LINC00632: variants seen among roughly 807,000 people sequenced by gnomAD.
LINC00632 encodes long independently transcribed non-coding RNA 632.
At chrX:140,717,902 C>CG (rs1458943773) in intron 2 of LINC00632, among the ~76,000 whole-genome samples, 6 of 110,946 alleles carry the variant, frequency 5.4e-5, no homozygotes, top group Non-Finnish European at 9.4e-5. Flanking sequence ...TTTGGGAGGC[C>CG]GAGACGGGTG....
intron 3 of LINC00632, among the ~76,000 whole-genome samples, chrX:140,743,405 G>A (rs748995421): frequency 9.1e-6 from 1 of 110,085 alleles, no homozygotes; most frequent in East Asian, 2.9e-4. Context: ...AAGGATGATA[G>A]CCGCAAGCTT....
exon 5 of LINC00632, among the ~76,000 whole-genome samples, chrX:140,779,428 G>A (rs897711614): frequency 1.8e-5 from 2 of 111,952 alleles, no homozygotes; most frequent in Admixed American, 9.5e-5. Flanking sequence ...TCTACCACCC[G>A]AATGCTAATA....
At chrX:140,741,021 T>C (rs1348820970) in intron 3 of LINC00632, among the ~76,000 whole-genome samples, 2 of 111,874 alleles carry the variant, frequency 1.8e-5, no homozygotes, top group Non-Finnish European at 3.8e-5. Flanking sequence ...GTACCTTATA[T>C]TGACTCCTTA....
In LINC00632 at chrX:140,741,431, C is replaced by T. The variant is rs7058855; in HGVS notation, n.191+7467C>T. 6.7e-3 allele frequency among the ~76,000 whole-genome samples: 751 copies of T among 111,671 alleles called. 5 individuals carry two copies. Among genetic ancestry groups the T allele is most frequent in the Middle Eastern group, 0.018 (4 of 218 alleles). On this transcript the variant is annotated intron_variant and non_coding_transcript_variant, in intron 3 of 4. Transcript: ENST00000648200. ...TTGTCAAAAGGGCTGGGTTGAGGCA[C>T]CTGGATGCAAATTGCAGAAATGCAC...
At chrX:140,754,097 A>G (rs991125195) in intron 3 of LINC00632, among the ~76,000 whole-genome samples, 1 of 111,575 alleles carries the variant, frequency 9.0e-6, no homozygotes, top group African/African-American at 3.3e-5. Flanking sequence ...CTATTGGACA[A>G]TCCTGGTCTA....
chrX:140,723,663 A>G (rs1409514935), intron 2 of LINC00632, among the ~76,000 whole-genome samples: 1 of 10,297 alleles, frequency 9.7e-5, no homozygotes, highest in Non-Finnish European at 2.2e-4. Flanking sequence ...CACACATTCC[A>G]TATACACACA....
At chrX:140,742,424 A>G (rs1931237977) in intron 3 of LINC00632, among the ~76,000 whole-genome samples, 1 of 111,504 alleles carries the variant, frequency 9.0e-6, no homozygotes, top group African/African-American at 3.3e-5. Context: ...GAGGATTATT[A>G]ATTCACGGTT....
At chrX:140,752,582 T>G (rs139098339) in intron 3 of LINC00632, among the ~76,000 whole-genome samples, 1,539 of 112,017 alleles carry the variant, frequency 0.014, 24 homozygotes, top group African/African-American at 0.047. Context: ...TATCAGGTAA[T>G]GTAAAGCTGG....
At chrX:140,751,398 G>A (rs1931409807) in intron 3 of LINC00632, among the ~76,000 whole-genome samples, 1 of 107,238 alleles carries the variant, frequency 9.3e-6, no homozygotes, top group African/African-American at 3.4e-5. Flanking sequence ...TTTTTCATAT[G>A]TTTGTTGGCT....
chrX:140,728,893 A>G (rs766398147), intron 2 of LINC00632, among the ~76,000 whole-genome samples: 48 of 111,197 alleles, frequency 4.3e-4, no homozygotes, highest in Non-Finnish European at 8.7e-4. Flanking sequence ...ACACCACCCC[A>G]CAACGCCAAT....
chrX:140,717,444 A>G (rs1420414203), intron 2 of LINC00632, among the ~76,000 whole-genome samples: 2 of 110,889 alleles, frequency 1.8e-5, no homozygotes, highest in African/African-American at 6.6e-5. Context: ...CCTAACATGC[A>G]GAGATCACCC....
intron 2 of LINC00632, among the ~76,000 whole-genome samples, chrX:140,720,264 A>G (rs751075617): frequency 9.0e-6 from 1 of 111,036 alleles, no homozygotes; most frequent in Non-Finnish European, 1.9e-5. Context: ...TTCAAAACTT[A>G]GTTTAAAATC....
Position 140,767,824 on chromosome X carries a change from T to C in LINC00632, n.192-4254T>C, listed in dbSNP as rs147427666. Among the ~76,000 whole-genome samples the C allele has an allele frequency of 4.1e-3, 458 of 111,828 alleles. 2 individuals are homozygous for C. Among genetic ancestry groups the C allele is most frequent in the South Asian group, 0.021 (55 of 2,653 alleles). On this transcript the variant is annotated intron_variant and non_coding_transcript_variant, in intron 3 of 4. Coordinates refer to ENST00000648200, the Ensembl canonical transcript of LINC00632. ...ACAATTGGCAAGGGCTTTCTTGCTG[T>C]GTCATCCCATGGCAAAGGAGAGAGA...
intron 3 of LINC00632, among the ~76,000 whole-genome samples, chrX:140,757,429 A>C (rs1055239065): frequency 9.0e-6 from 1 of 111,370 alleles, no homozygotes; most frequent in Non-Finnish European, 1.9e-5. Flanking sequence ...TGTGGTGAGG[A>C]GGGAGAAGAT....
intron 3 of LINC00632, among the ~76,000 whole-genome samples, chrX:140,764,317 C>T (rs1187984367): frequency 1.1e-5 from 1 of 87,456 alleles, no homozygotes; most frequent in Non-Finnish European, 2.1e-5. Context: ...CCGCTCTGGA[C>T]TTGAGTTGGT....
intron 2 of LINC00632, among the ~76,000 whole-genome samples, chrX:140,720,131 C>A (rs971731863): frequency 3.6e-5 from 4 of 110,339 alleles, no homozygotes; most frequent in Non-Finnish European, 5.7e-5. Context: ...TCTGCCAACC[C>A]ATGGACATGC....
intron 2 of LINC00632, among the ~76,000 whole-genome samples, chrX:140,724,033 TACAC>T (rs750302802): frequency 3.5e-4 from 13 of 36,838 alleles, no homozygotes; most frequent in African/African-American, 7.7e-4. Context: ...ACACATTCCA[TACAC>T]ACACACATTC....
intron 3 of LINC00632, among the ~76,000 whole-genome samples, chrX:140,762,463 C>T (rs1420170684): frequency 1.8e-5 from 2 of 112,274 alleles, no homozygotes; most frequent in Non-Finnish European, 3.8e-5. Context: ...TTTCTTTTGA[C>T]TGTGAGAAAA....
intron 3 of LINC00632, among the ~76,000 whole-genome samples, chrX:140,768,884 G>A (rs986164336): frequency 4.7e-5 from 5 of 105,775 alleles, no homozygotes; most frequent in Non-Finnish European, 9.6e-5. Flanking sequence ...ATAGGACCTA[G>A]TTACTGCCTC....
Sources: allele counts gnomAD v4.1 joint callset (sites outside exome capture counted in the v4.1 genomes callset), GRCh38; gene constraint gnomAD v4.1.1; transcripts MANE v1.5; gene names NCBI Gene and HGNC (gene_info 2026-07-23, HGNC 2026-07-21).